PIEZO2: variants seen among roughly 807,000 people sequenced by gnomAD.
PIEZO2 encodes piezo type mechanosensitive ion channel component 2, also known as piezo-type mechanosensitive ion channel component 2.
PIEZO2 carries 172 observed loss-of-function variants against 337.3 expected under a neutral mutation model. The ratio of observed to expected loss-of-function variants is 0.51; its 90% CI spans 0.45 to 0.58. The LOEUF (loss-of-function observed/expected upper bound fraction) is 0.58. Ranked by LOEUF, PIEZO2 falls within the 20% of genes least tolerant of loss-of-function variation. The pLI, the probability that PIEZO2 is intolerant of heterozygous loss-of-function variation, is 0.00. For missense variants in PIEZO2, 3,028 were observed against 3,391.3 expected (o/e 0.89, Z 2.66); for synonymous variants, 1,251 against 1,228.5 (o/e 1.02, Z -0.38).
rs2038683636 is a variant in PIEZO2 at position 10,773,653 on chromosome 18, C to T, written c.2568-24G>A. 6.5e-7 allele frequency: 1 copy of T among 1,534,070 alleles called. No homozygotes were observed. The highest frequency in any genetic ancestry group is 1.4e-5 in the African/African-American group (1 of 72,906). ...GTCTGTTGGCAGAGAGCAGCTGAGT[C>T]AGAAGAGGAAAGGGTGTTGGGAGAG... is the stretch of plus-strand genomic sequence containing the variant. On this transcript the variant is annotated intron_variant, in intron 19 of 55. Transcript: ENST00000674853. This position sits in a 1 kb window ranked among gnomAD's most constrained non-coding sequence, Gnocchi z 5.3.
intron 3 of PIEZO2, among the ~76,000 whole-genome samples, chr18:10,925,085 G>A (rs1319137707): frequency 1.3e-5 from 2 of 152,116 alleles, no homozygotes; most frequent in African/African-American, 4.8e-5. Flanking sequence ...GGGCCTGGTG[G>A]TTTATAGTTC....
At chr18:10,782,713 A>G (rs551494843) in intron 17 of PIEZO2, among the ~76,000 whole-genome samples, 1 of 151,550 alleles carries the variant, frequency 6.6e-6, no homozygotes, top group Non-Finnish European at 1.5e-5. Context: ...ATCGGTACAG[A>G]TCATTTAGAT....
At chr18:10,694,731 A>T (rs1302058855) in intron 47 of PIEZO2, among the ~76,000 whole-genome samples, 6 of 152,210 alleles carry the variant, frequency 3.9e-5, no homozygotes, top group African/African-American at 1.4e-4. Flanking sequence ...GCTGCTCTGG[A>T]GGCTGAGGCG....
chr18:11,080,574 C>T lies in PIEZO2; in HGVS notation c.65-14352G>A, dbSNP rs924998598. Among the ~76,000 whole-genome samples, 2 of 152,128 alleles carry T rather than the reference C, an allele frequency of 1.3e-5. No homozygotes were observed. The highest frequency in any genetic ancestry group is 2.9e-5 in the Non-Finnish European group (2 of 68,020). On this transcript the variant is annotated intron_variant, in intron 1 of 55. Coordinates refer to ENST00000674853, the MANE Select transcript of PIEZO2 (RefSeq NM_001378183.1). The surrounding 1 kb of genome is among the most constrained non-coding windows in gnomAD (Gnocchi z 5.4). ...AAAAACAGAGGCATCAGGCCAGGTG[C>T]GGGGCTCACGCCTATAATCCCAGCA...
In PIEZO2 at chr18:11,069,609, CA is replaced by C. The variant is rs2038267791; in HGVS notation, c.65-3388del. 6.6e-6 allele frequency among the ~76,000 whole-genome samples: 1 copy of C among 152,102 alleles called. No individual in the cohort carries two copies. The highest frequency in any genetic ancestry group is 2.1e-4 in the South Asian group (1 of 4,834). The stretch of plus-strand genomic sequence containing the variant: ...CAATTTAAAGCTTTTCTTTTAAGAC[CA>C]GAATCAAGACAAGGATGCCTACTCT... On this transcript the variant is annotated intron_variant, in intron 1 of 55. Coordinates refer to ENST00000674853, the MANE Select transcript of PIEZO2 (RefSeq NM_001378183.1). This position sits in a 1 kb window ranked among gnomAD's most constrained non-coding sequence, Gnocchi z 4.9.
rs1030939862 is a variant in PIEZO2 at position 10,789,325 on chromosome 18, T to G, written c.1923A>C (p.Lys641Asn). 1.3e-6 allele frequency: 2 copies of G among 1,537,266 alleles called. No homozygotes were observed. The highest frequency in any genetic ancestry group is 4.9e-5 in the East Asian group (2 of 40,908). ...CCTTCGCTTCCTCTTCTTCCTCCTC[T>G]TTGGGCTCTCCTTCCACTTGTATAT... ...LQDIQVEGEP[K>N]EEEEEEAKEE... Residue 641 changes from lysine (K) to asparagine (N), a missense_variant, in exon 15 of 56, where the codon AAA (lysine) becomes AAC (asparagine). Lys to Asn is a moderately conservative substitution (Grantham distance 94). Transcript: ENST00000674853.
intron 36 of PIEZO2, chr18:10,725,488 G>C (rs1299897842): frequency 6.2e-5 from 93 of 1,496,140 alleles, no homozygotes; most frequent in Non-Finnish European, 8.4e-5. Flanking sequence ...CGGGTGGATG[G>C]GTAGGCATGA....
Position 10,943,837 on chromosome 18 carries a change from T to C in PIEZO2, c.287-32609A>G, listed in dbSNP as rs541150633. On this transcript the variant is annotated intron_variant, in intron 3 of 55. Coordinates refer to ENST00000674853, the MANE Select transcript of PIEZO2 (RefSeq NM_001378183.1). The surrounding 1 kb of genome is among the most constrained non-coding windows in gnomAD (Gnocchi z 4.5). ...AGGGACCCGGTGGGAGATGACTGAA[T>C]CATGGGAGCAAGTCTTTCCAGTGCT... Among the ~76,000 whole-genome samples, 59 of 152,234 alleles carry C rather than the reference T, an allele frequency of 3.9e-4. No homozygotes were observed. The highest frequency in any genetic ancestry group is 1.1e-3 in the Admixed American group (17 of 15,290).
chr18:11,006,208 T>C (rs972804337), intron 2 of PIEZO2, among the ~76,000 whole-genome samples: 1 of 152,234 alleles, frequency 6.6e-6, no homozygotes, highest in African/African-American at 2.4e-5. Flanking sequence ...CTTGTAATTA[T>C]CTTTTTTTAA....
chr18:11,049,483 A>G (rs77314281), intron 2 of PIEZO2, among the ~76,000 whole-genome samples: 1,924 of 152,326 alleles, frequency 0.013, 32 homozygotes, highest in African/African-American at 0.033. Flanking sequence ...CAACAAACTG[A>G]CACCAACTCA....
chr18:11,107,351 T>A (rs2039599789), intron 1 of PIEZO2, among the ~76,000 whole-genome samples: 1 of 152,156 alleles, frequency 6.6e-6, no homozygotes, highest in South Asian at 2.1e-4. Flanking sequence ...TGTTATCAGA[T>A]TACCAGCAAT....
intron 36 of PIEZO2, among the ~76,000 whole-genome samples, chr18:10,730,634 A>G (rs2036725914): frequency 6.6e-6 from 1 of 152,088 alleles, no homozygotes; most frequent in Admixed American, 6.6e-5. Flanking sequence ...AACGCTGAAT[A>G]TATGTTCCTT....
At chr18:11,037,181 G>T (rs1047920112) in intron 2 of PIEZO2, among the ~76,000 whole-genome samples, 1 of 152,154 alleles carries the variant, frequency 6.6e-6, no homozygotes, top group Admixed American at 6.5e-5. Flanking sequence ...CGGCCAGTCA[G>T]AACTTTTTAA....
chr18:11,037,034 C>T (rs1041887145), intron 2 of PIEZO2, among the ~76,000 whole-genome samples: 9 of 152,062 alleles, frequency 5.9e-5, no homozygotes, highest in East Asian at 1.9e-4. Context: ...GGCACGATCT[C>T]GGCTCACTGC....
Position 11,149,173 on chromosome 18 carries a change from T to C in PIEZO2, c.-585A>G, listed in dbSNP as rs1385259774. Among the ~76,000 whole-genome samples, 1 of 151,756 alleles carries C rather than the reference T, an allele frequency of 6.6e-6. No individual in the cohort carries two copies. The highest frequency in any genetic ancestry group is 1.5e-5 in the Non-Finnish European group (1 of 67,958). Reference sequence around the variant, plus strand: ...GCCCGGCGGGCTCCGGGTCTCGCCCTCCAGCCCCCAGGCGGCCCGCGGCGG... The same window carrying C: ...GCCCGGCGGGCTCCGGGTCTCGCCCCCCAGCCCCCAGGCGGCCCGCGGCGG... On this transcript the variant is annotated 5_prime_UTR_variant, in exon 1 of 56. Transcript: ENST00000674853. The surrounding 1 kb of genome is among the most constrained non-coding windows in gnomAD (Gnocchi z 8.7).
At chr18:10,864,582 C>T (rs1341018835) in intron 5 of PIEZO2, among the ~76,000 whole-genome samples, 1 of 152,192 alleles carries the variant, frequency 6.6e-6, no homozygotes, top group African/African-American at 2.4e-5. Context: ...TTTATCCTGG[C>T]ACATAGTAGG....
chr18:10,867,788 A>T (rs1261989603), intron 5 of PIEZO2, among the ~76,000 whole-genome samples: 3 of 152,256 alleles, frequency 2.0e-5, no homozygotes, highest in Non-Finnish European at 4.4e-5. Flanking sequence ...ACTCAATTTA[A>T]TCTTCATAAT....
intron 1 of PIEZO2, among the ~76,000 whole-genome samples, chr18:11,086,217 C>T (rs1331511855): frequency 2.0e-5 from 3 of 152,022 alleles, no homozygotes; most frequent in Non-Finnish European, 4.4e-5. Context: ...TACGAAAATT[C>T]GACAGAGAAA....
intron 36 of PIEZO2, among the ~76,000 whole-genome samples, chr18:10,730,137 C>G (rs2222732): frequency 0.84 from 128,193 of 152,278 alleles, 54,457 homozygotes; most frequent in African/African-American, 0.96. Flanking sequence ...CTGATCTGTA[C>G]TATGATATGT....
Sources: gnomAD v4.1 joint callset for allele counts (sites outside exome capture counted in the v4.1 genomes callset) on GRCh38, gnomAD v4.1.1 for gene constraint, Gnocchi (gnomAD v3.1) non-coding constraint, MANE v1.5 for transcripts, NCBI Gene and HGNC (gene_info 2026-07-23, HGNC 2026-07-21) for gene names.